SGIP1: variants seen among roughly 807,000 people sequenced by gnomAD.
SGIP1 encodes the protein SH3GL interacting endocytic adaptor 1.
A neutral mutation model predicts 107.5 loss-of-function variants in SGIP1; 38 were observed. The observed-to-expected ratio is 0.35, with a 90% CI of 0.27 to 0.46. The LOEUF (loss-of-function observed/expected upper bound fraction) is 0.46. Ranked by LOEUF, SGIP1 falls within the 20% of genes least tolerant of loss-of-function variation. The pLI, the probability that SGIP1 is intolerant of heterozygous loss-of-function variation, is 1.00. For missense variants in SGIP1, 929 were observed against 1,019.5 expected (o/e 0.91, Z 1.21); for synonymous variants, 365 against 366.1 (o/e 1.00, Z 0.03).
rs115516279 is a variant in SGIP1 at position 66,661,463 on chromosome 1, C to T, written c.471+939C>T. On this transcript the variant is annotated intron_variant, in intron 8 of 24. Transcript: ENST00000371037. The stretch of plus-strand genomic sequence containing the variant: ...GAAAAGCTATAGGATAGGAGGGAGG[C>T]GGAACAGAGACACAGGAAGGACAAA... Among the ~76,000 whole-genome samples the T allele has an allele frequency of 3.3e-3, 495 of 152,142 alleles. 6 individuals are homozygous for T. Among genetic ancestry groups the T allele is most frequent in the African/African-American group, 0.011 (475 of 41,510 alleles).
At position 66,633,112 on chromosome 1, in the gene SGIP1, C is replaced by A; in HGVS notation, c.99+18C>A. 2 of 1,508,302 alleles carry A rather than the reference C, an allele frequency of 1.3e-6. No individual in the cohort carries two copies. Among genetic ancestry groups the A allele is most frequent in the Non-Finnish European group, 1.8e-6 (2 of 1,086,144 alleles). The allele number at this position is 1,508,302 out of a possible 1,614,324, so 93.4% of individuals were successfully genotyped here. ...ATGGAATTGTAAGTATTTAAATAACCATTTTTACTGAGTTTGTGCTTCAAT... is the reference window on the plus strand; with the variant it reads ...ATGGAATTGTAAGTATTTAAATAACAATTTTTACTGAGTTTGTGCTTCAAT... On this transcript the variant is annotated intron_variant, in intron 3 of 24. Transcript: ENST00000371037.
At chr1:66,562,820 G>C (rs1201032836) in intron 1 of SGIP1, among the ~76,000 whole-genome samples, 1 of 152,166 alleles carries the variant, frequency 6.6e-6, no homozygotes, top group Admixed American at 6.5e-5. Context: ...CATGAGCAAG[G>C]TTCTGGAACA....
chr1:66,560,615 G>T (rs2058789450), intron 1 of SGIP1, among the ~76,000 whole-genome samples: 1 of 152,038 alleles, frequency 6.6e-6, no homozygotes, highest in South Asian at 2.1e-4. Flanking sequence ...TGCGTTAAGA[G>T]AATTTATTTC....
chr1:66,677,015 C>A lies in SGIP1; in HGVS notation c.658C>A (p.Gln220Lys). Residue 220 changes from glutamine (Q) to lysine (K), a missense_variant, in exon 13 of 25, where the codon CAG (glutamine) becomes AAG (lysine). Gln to Lys is a moderately conservative substitution (Grantham distance 53, BLOSUM62 1). This residue lies in a region of SGIP1 where 588 missense variants were observed against 588.6 expected (regional missense o/e 1.00). Transcript: ENST00000371037. ...DEQKTEVLLD[Q>K]PEIWGSGQPI... ...TTTTTTGTTTCCAGTTCTTTTAGAT[C>A]AGCCTGAGATATGGGGTTCAGGCCA... The A allele has an allele frequency of 6.2e-7, 1 of 1,609,582 alleles. No homozygotes were observed.
At position 66,743,402 on chromosome 1, in the gene SGIP1, G is replaced by C. The variant is rs2094512532; in HGVS notation, c.*307G>C. ...TTAGCATTTTACCATTCCTGAAATG[G>C]ATGTAATTTAAACTGTGGTATGTAA... On this transcript the variant is annotated 3_prime_UTR_variant, in exon 25 of 25. Coordinates refer to ENST00000371037, the MANE Select transcript of SGIP1 (RefSeq NM_032291.4). The C allele has an allele frequency of 4.0e-6, 1 of 247,948 alleles. No individual in the cohort carries two copies. Among genetic ancestry groups the C allele is most frequent in the Non-Finnish European group, 7.8e-6 (1 of 127,506 alleles). 15.4% of individuals were successfully genotyped at this position (247,948 alleles called of 1,614,324 possible).
intron 23 of SGIP1, among the ~76,000 whole-genome samples, 165 bp downstream of exon 23, chr1:66,740,887 A>G (rs1424290740): frequency 1.3e-5 from 2 of 152,200 alleles, no homozygotes; most frequent in African/African-American, 4.8e-5. Context: ...TTCTTCAATG[A>G]ATTCTCTTTT....
Position 66,589,208 on chromosome 1 carries a change from A to ATGTGTGTGTGTGTGTGTG in SGIP1, c.11-36638_11-36637insGTGTGTGTGTGTGTGTGT, listed in dbSNP as rs1453675527. ...TATATATATATATATATATATATAT[A>ATGTGTGTGTGTGTGTGTG]TATATATATGTAAGGCTTGGGGTAA... is the stretch of plus-strand genomic sequence containing the variant. On this transcript the variant is annotated intron_variant, in intron 1 of 24. Coordinates refer to ENST00000371037, the MANE Select transcript of SGIP1 (RefSeq NM_032291.4). 1.8e-3 allele frequency among the ~76,000 whole-genome samples: 158 copies of ATGTGTGTGTGTGTGTGTG among 87,570 alleles called. 5 individuals are homozygous for ATGTGTGTGTGTGTGTGTG. The highest frequency in any genetic ancestry group is 2.7e-3 in the Non-Finnish European group (115 of 42,604). The allele number at this position is 87,570 out of a possible 152,430, so 57.4% of individuals were successfully genotyped here.
chr1:66,670,187 A>AAGAACTTT (rs1432580465), intron 9 of SGIP1, among the ~76,000 whole-genome samples: 6 of 152,206 alleles, frequency 3.9e-5, no homozygotes, highest in African/African-American at 1.4e-4. Flanking sequence ...TTCTGGTGGC[A>AAGAACTTT]TCCCACACTA....
chr1:66,674,619 G>T (rs909388763), intron 12 of SGIP1, among the ~76,000 whole-genome samples: 5 of 152,168 alleles, frequency 3.3e-5, no homozygotes, highest in Admixed American at 6.5e-5. Flanking sequence ...ACTCTTTCAG[G>T]TTAACTGTCT....
At chr1:66,662,342 C>A (rs887846825) in intron 8 of SGIP1, among the ~76,000 whole-genome samples, 1 of 152,054 alleles carries the variant, frequency 6.6e-6, no homozygotes, top group Non-Finnish European at 1.5e-5. Context: ...CTAAATTTAG[C>A]AAATTAGGAT....
Position 66,681,858 on chromosome 1 carries a change from T to C in SGIP1, c.815-11T>C, listed in dbSNP as rs1419429423. 1 of 1,604,170 alleles carries C rather than the reference T, an allele frequency of 6.2e-7. No individual in the cohort carries two copies. Among genetic ancestry groups the C allele is most frequent in the African/African-American group, 1.3e-5 (1 of 74,462 alleles). ...TCAATTAAAGTTTAAAATCAACTAC[T>C]TTAACCACAGGAAATGACCAGTCAG... On this transcript the variant is annotated splice_polypyrimidine_tract_variant and intron_variant, in intron 14 of 24. Coordinates refer to ENST00000371037, the MANE Select transcript of SGIP1 (RefSeq NM_032291.4).
chr1:66,635,741 C>T (rs1201101865), intron 3 of SGIP1, among the ~76,000 whole-genome samples: 1 of 152,144 alleles, frequency 6.6e-6, no homozygotes, highest in East Asian at 1.9e-4. Context: ...CCAAGCTGGC[C>T]TGCTGAATAG....
chr1:66,631,615 T>A (rs1403429743), intron 2 of SGIP1, among the ~76,000 whole-genome samples: 1 of 151,968 alleles, frequency 6.6e-6, no homozygotes, highest in African/African-American at 2.4e-5. Flanking sequence ...GAATCACACC[T>A]TGGAGTCCAG....
intron 21 of SGIP1, among the ~76,000 whole-genome samples, chr1:66,734,148 A>C (rs2094132753): frequency 6.6e-6 from 1 of 152,208 alleles, no homozygotes; most frequent in African/African-American, 2.4e-5. Flanking sequence ...GTTGCAAAAC[A>C]TTATACTAAT....
At chr1:66,707,765 T>TAAA (rs1166854912) in intron 18 of SGIP1, among the ~76,000 whole-genome samples, 8 of 152,202 alleles carry the variant, frequency 5.3e-5, no homozygotes, top group Non-Finnish European at 1.2e-4. Context: ...TTGGCCCTTT[T>TAAA]AAGCCTGTAG....
At chr1:66,548,627 G>A (rs962083337) in intron 1 of SGIP1, among the ~76,000 whole-genome samples, 1 of 152,008 alleles carries the variant, frequency 6.6e-6, no homozygotes, top group African/African-American at 2.4e-5. Context: ...TTTATTAGGG[G>A]GGCTTTTATC....
intron 20 of SGIP1, among the ~76,000 whole-genome samples, chr1:66,733,422 T>C (rs1435243108): frequency 2.6e-5 from 4 of 152,214 alleles, no homozygotes; most frequent in South Asian, 2.1e-4. Flanking sequence ...GCTGGTTTCA[T>C]AGAAAGGGAT....
chr1:66,619,749 T>A (rs1386082445), intron 1 of SGIP1, among the ~76,000 whole-genome samples: 1 of 152,206 alleles, frequency 6.6e-6, no homozygotes, highest in Non-Finnish European at 1.5e-5. Flanking sequence ...TTGTGTCTGG[T>A]CCTCAGTTTC....
At chr1:66,561,472 T>C (rs912106762) in intron 1 of SGIP1, among the ~76,000 whole-genome samples, 1 of 152,040 alleles carries the variant, frequency 6.6e-6, no homozygotes, top group Admixed American at 6.6e-5. Flanking sequence ...GAGATTGTGA[T>C]CCATAGAACA....
Sources: gnomAD v4.1 joint callset for allele counts (sites outside exome capture counted in the v4.1 genomes callset) on GRCh38, gnomAD v4.1.1 for gene constraint, gnomAD v4.1.1 regional missense constraint, MANE v1.5 for transcripts, NCBI Gene and HGNC (gene_info 2026-07-23, HGNC 2026-07-21) for gene names.